The following CTNNA3 variants were observed in gnomAD, a reference collection of about 807,000 sequenced individuals.
The protein encoded by CTNNA3 is catenin alpha 3.
A neutral mutation model predicts 95.7 loss-of-function variants in CTNNA3; 76 were observed. That is an observed-to-expected ratio of 0.79 (90% CI 0.66 to 0.96). The LOEUF is 0.96. Among genes scored for constraint, CTNNA3 ranks in the 40% least tolerant of loss-of-function variants. The pLI, the probability that CTNNA3 is intolerant of heterozygous loss-of-function variation, is 0.00. For missense variants in CTNNA3, 1,191 were observed against 1,089.8 expected, an observed-to-expected ratio of 1.09 and a Z score of -1.31; for synonymous variants, 431 against 374.4, an observed-to-expected ratio of 1.15 and a Z score of -1.74.
chr10:67,135,862 A>G (rs1860279762), intron 7 of CTNNA3, among the ~76,000 whole-genome samples: 1 of 152,180 alleles, frequency 6.6e-6, no homozygotes, highest in Non-Finnish European at 1.5e-5. Context: ...TTTTGACCCA[A>G]TTATATGTTT....
At chr10:66,609,276 T>G (rs2132280363) in intron 10 of CTNNA3, among the ~76,000 whole-genome samples, 1 of 150,634 alleles carries the variant, frequency 6.6e-6, no homozygotes, top group South Asian at 2.1e-4. Context: ...TTGGCCAGGC[T>G]GATCTTGAAC....
At chr10:66,558,796 A>G (rs1028101386) in intron 10 of CTNNA3, among the ~76,000 whole-genome samples, 21 of 151,998 alleles carry the variant, frequency 1.4e-4, no homozygotes, top group African/African-American at 4.8e-4. Flanking sequence ...TATGACTAAA[A>G]CCTCTTTCAG....
intron 7 of CTNNA3, among the ~76,000 whole-genome samples, chr10:66,896,045 C>CT (rs1564749683): frequency 1.3e-4 from 20 of 151,814 alleles, no homozygotes; most frequent in Admixed American, 1.3e-3. Context: ...TGTGGTGAGC[C>CT]GAGATTGCGC....
chr10:67,620,637 A>G (rs1843799463), intron 2 of CTNNA3, among the ~76,000 whole-genome samples: 1 of 152,176 alleles, frequency 6.6e-6, no homozygotes, highest in South Asian at 2.1e-4. Flanking sequence ...GTAATCCCCT[A>G]CAAGTACAAA....
intron 5 of CTNNA3, among the ~76,000 whole-genome samples, chr10:67,418,810 C>T (rs567945827): frequency 3.3e-5 from 5 of 152,030 alleles, no homozygotes; most frequent in South Asian, 2.1e-4. Flanking sequence ...AGAATAACAA[C>T]GTATTGTATT....
intron 9 of CTNNA3, among the ~76,000 whole-genome samples, chr10:66,637,513 G>A (rs1300402527): frequency 6.6e-6 from 1 of 152,214 alleles, no homozygotes; most frequent in Non-Finnish European, 1.5e-5. Context: ...TCAGAAGGCT[G>A]GCTTGCTTGC....
chr10:66,482,473 A>G (rs926056069), intron 11 of CTNNA3, among the ~76,000 whole-genome samples: 1 of 152,156 alleles, frequency 6.6e-6, no homozygotes, highest in Non-Finnish European at 1.5e-5. Context: ...ACCAAAGCTT[A>G]GGGGAATTTC....
intron 2 of CTNNA3, among the ~76,000 whole-genome samples, chr10:67,608,526 TCAC>T (rs1843352797): frequency 6.6e-6 from 1 of 152,202 alleles, no homozygotes. Flanking sequence ...AACAAACTCC[TCAC>T]CACAAGTATA....
rs759065923 is a variant in CTNNA3, at chr10:66,927,881, C to T, written c.1048-152357G>A. 2 of 1,614,194 alleles carry T rather than the reference C, an allele frequency of 1.2e-6. No individual in the cohort carries two copies. Among genetic ancestry groups the T allele is most frequent in the Non-Finnish European group, 1.7e-6 (2 of 1,180,038 alleles). On this transcript the variant is annotated intron_variant, in intron 7 of 17. Transcript: ENST00000433211. The surrounding 1 kb of genome is among the most constrained non-coding windows in gnomAD (Gnocchi z 4.7). ...TGGGAATGCAGCAGAAATATTTGCT[C>T]CCTTGTAAACTGGCTGAAAAGTTTT...
At chr10:66,236,175 C>T (rs2054387) in intron 13 of CTNNA3, among the ~76,000 whole-genome samples, 67,791 of 151,884 alleles carry the variant, frequency 0.45, 15,503 homozygotes, top group Admixed American at 0.55. Context: ...CAATGAGATA[C>T]AGAAAAGCTC....
At chr10:66,101,960 A>T (rs1480706097) in intron 14 of CTNNA3, among the ~76,000 whole-genome samples, 2 of 152,210 alleles carry the variant, frequency 1.3e-5, no homozygotes, top group African/African-American at 4.8e-5. Flanking sequence ...ATATCAAAAC[A>T]TGTGAGGAAT....
chr10:67,436,814 C>A (rs1338089747), intron 5 of CTNNA3, among the ~76,000 whole-genome samples: 2 of 152,002 alleles, frequency 1.3e-5, no homozygotes, highest in African/African-American at 2.4e-5. Flanking sequence ...AGCAAAAAAT[C>A]AAAAAACAGT....
intron 13 of CTNNA3, among the ~76,000 whole-genome samples, chr10:66,274,709 G>A (rs150236178): frequency 6.6e-6 from 1 of 152,148 alleles, no homozygotes; most frequent in East Asian, 1.9e-4. Flanking sequence ...TTTAAATGCA[G>A]TTTGATGAGT....
chr10:66,482,472 T>C lies in CTNNA3; in HGVS notation c.1531+38145A>G, dbSNP rs753146084. 5.2e-4 allele frequency among the ~76,000 whole-genome samples: 79 copies of C among 152,204 alleles called. 1 individual carries two copies. The highest frequency in any genetic ancestry group is 1.2e-3 in the Admixed American group (19 of 15,290). ...TTGGATAGATGAAGAAACCAAAGCT[T>C]AGGGGAATTTCAGTTTATCATTGGC... On this transcript the variant is annotated intron_variant, in intron 11 of 17. Transcript: ENST00000433211.
At chr10:66,632,863 A>G (rs540358365) in intron 9 of CTNNA3, among the ~76,000 whole-genome samples, 2 of 152,246 alleles carry the variant, frequency 1.3e-5, no homozygotes, top group East Asian at 3.9e-4. Context: ...TCAATAAGGA[A>G]AAAAGGCCAT....
intron 2 of CTNNA3, among the ~76,000 whole-genome samples, chr10:67,637,556 T>A (rs935539872): frequency 6.6e-6 from 1 of 151,982 alleles, no homozygotes; most frequent in Non-Finnish European, 1.5e-5. Context: ...CCAAGACACA[T>A]AATTGTCAGA....
chr10:67,023,689 T>C (rs1304440294), intron 7 of CTNNA3, among the ~76,000 whole-genome samples: 1 of 152,188 alleles, frequency 6.6e-6, no homozygotes, highest in Non-Finnish European at 1.5e-5. Context: ...TATGTATCGA[T>C]CTATTTCAGA....
chr10:67,555,894 C>A (rs1841224633), intron 3 of CTNNA3, among the ~76,000 whole-genome samples: 2 of 152,202 alleles, frequency 1.3e-5, no homozygotes, highest in Admixed American at 1.3e-4. Context: ...TGTGGGTTTT[C>A]ATACATAGCT....
chr10:67,624,944 T>TA (rs1248583403), intron 2 of CTNNA3, among the ~76,000 whole-genome samples: 4 of 152,170 alleles, frequency 2.6e-5, no homozygotes, highest in African/African-American at 9.7e-5. Context: ...CTCACAGAAG[T>TA]AGTCTTTATT....
Sources: gnomAD v4.1 joint callset for allele counts (sites outside exome capture counted in the v4.1 genomes callset) on GRCh38, gnomAD v4.1.1 for gene constraint, Gnocchi (gnomAD v3.1) non-coding constraint, MANE v1.5 for transcripts, NCBI Gene and HGNC (gene_info 2026-07-23, HGNC 2026-07-21) for gene names.